PDZRN4: variants seen among roughly 807,000 people sequenced by gnomAD.
PDZRN4 encodes PDZ domain-containing RING finger protein 4.
Under a neutral mutation model 99.0 loss-of-function variants are expected in PDZRN4, and 70 were observed. The observed-to-expected ratio is 0.71, with a 90% CI of 0.58 to 0.86. The LOEUF (loss-of-function observed/expected upper bound fraction) is 0.86. Among genes scored for constraint, PDZRN4 ranks in the 40% least tolerant of loss-of-function variants. The probability of loss-of-function intolerance (pLI) is 0.00; values close to 1 mark genes in which losing one functional copy is unlikely to be tolerated. For synonymous variants in PDZRN4, 551 were observed against 501.6 expected (o/e 1.10, Z -1.32); for missense variants, 1,474 against 1,331.2 (o/e 1.11, Z -1.67).
At chr12:41,236,318 A>T (rs747330572) in intron 3 of PDZRN4, among the ~76,000 whole-genome samples, 5 of 152,128 alleles carry the variant, frequency 3.3e-5, no homozygotes, top group Non-Finnish European at 5.9e-5. Flanking sequence ...GATGTGTATG[A>T]CAGAGTGAGA....
chr12:41,569,373 GCTT>G (rs1939436073), intron 9 of PDZRN4, among the ~76,000 whole-genome samples: 2 of 152,092 alleles, frequency 1.3e-5, no homozygotes, highest in South Asian at 4.2e-4. Context: ...ACCAGCCTCA[GCTT>G]CTTAAAGTGC....
intron 3 of PDZRN4, among the ~76,000 whole-genome samples, chr12:41,397,332 T>A (rs1204410350): frequency 1.3e-5 from 2 of 152,182 alleles, no homozygotes; most frequent in African/African-American, 2.4e-5. Context: ...CTGTCTTATT[T>A]TCAATCCAAA....
chr12:41,300,036 C>T (rs7134405), intron 3 of PDZRN4, among the ~76,000 whole-genome samples: 112,201 of 151,676 alleles, frequency 0.74, 41,719 homozygotes, highest in East Asian at 0.86. Context: ...ATAAATCTTA[C>T]AATATTTATG....
At chr12:41,313,293 C>T (rs887729667) in intron 3 of PDZRN4, among the ~76,000 whole-genome samples, 2 of 152,102 alleles carry the variant, frequency 1.3e-5, no homozygotes, top group Admixed American at 6.5e-5. Context: ...TTTTCCTTTC[C>T]CACTCCACTT....
At position 41,395,557 on chromosome 12, in the gene PDZRN4, A is replaced by T. The variant is rs185831151; in HGVS notation, c.844-110899A>T. On this transcript the variant is annotated intron_variant, in intron 3 of 9. Coordinates refer to ENST00000402685, the MANE Select transcript of PDZRN4 (RefSeq NM_001164595.2). Reference sequence around the variant, plus strand: ...TTTGGAAGTCCAAAAGTCATATTTCATTTTGTGTTATCTTTGCTTTTTTCA... The same window carrying T: ...TTTGGAAGTCCAAAAGTCATATTTCTTTTTGTGTTATCTTTGCTTTTTTCA... Among the ~76,000 whole-genome samples the T allele has an allele frequency of 1.8e-3, 271 of 152,128 alleles. 2 individuals are homozygous for T. Among genetic ancestry groups the T allele is most frequent in the African/African-American group, 6.1e-3 (255 of 41,482 alleles).
intron 3 of PDZRN4, among the ~76,000 whole-genome samples, chr12:41,229,817 T>G (rs1288713581): frequency 4.6e-5 from 7 of 152,058 alleles, no homozygotes; most frequent in African/African-American, 1.7e-4. Context: ...GTCAATGACA[T>G]TCTCTACATT....
At chr12:41,433,426 A>G (rs982993739) in intron 3 of PDZRN4, among the ~76,000 whole-genome samples, 10 of 152,202 alleles carry the variant, frequency 6.6e-5, no homozygotes, top group South Asian at 2.1e-4. Context: ...TTATGATTAC[A>G]TAGAAGGTAT....
intron 7 of PDZRN4, among the ~76,000 whole-genome samples, chr12:41,558,023 C>CT (rs2120818523): frequency 6.6e-6 from 1 of 152,242 alleles, no homozygotes; most frequent in Admixed American, 6.5e-5. Context: ...TGTTGAAAGG[C>CT]TTTGCTTGTA....
At chr12:41,509,972 G>A in intron 5 of PDZRN4, 59 bp downstream of exon 5, 1 of 767,034 alleles carries the variant, frequency 1.3e-6, no homozygotes, top group Non-Finnish European at 2.2e-6. Context: ...GAGGGGTTTT[G>A]TATAACAAAG....
rs371119688 is a variant in PDZRN4 at position 41,472,070 on chromosome 12, C to T, written c.844-34386C>T. 1.0e-3 allele frequency among the ~76,000 whole-genome samples: 152 copies of T among 150,704 alleles called. 4 individuals are homozygous for T. In the South Asian group the frequency reaches 0.017, roughly 17 times the overall value. ...CAGGCTGGAGTGCAGTGGCACGTCT[C>T]GGCTCACTGCAACCTCCACACCTCC... On this transcript the variant is annotated intron_variant, in intron 3 of 9. Coordinates refer to ENST00000402685, the MANE Select transcript of PDZRN4 (RefSeq NM_001164595.2).
At chr12:41,422,306 T>G (rs1952496418) in intron 3 of PDZRN4, among the ~76,000 whole-genome samples, 1 of 152,190 alleles carries the variant, frequency 6.6e-6, no homozygotes. Context: ...GCAGAAATTG[T>G]GGAATATATC....
In PDZRN4 at chr12:41,193,936, A is replaced by G. The variant is rs1051205442; in HGVS notation, c.736-145A>G. On this transcript the variant is annotated intron_variant, in intron 2 of 9. Transcript: ENST00000402685. ...CTTGATTAATGACTAGTTGGTGTTA[A>G]GTAAGTTAAAATTCTGTTCCAAATC... 1.0e-5 allele frequency: 6 copies of G among 590,252 alleles called. No individual in the cohort carries two copies. In the African/African-American group the frequency reaches 1.1e-4, roughly 11 times the overall value. The allele number at this position is 590,252 out of a possible 1,614,324, so 36.6% of individuals were successfully genotyped here. A position where few individuals can be genotyped will look rare whatever the true frequency, so the allele number is the denominator to read the frequency against.
intron 3 of PDZRN4, among the ~76,000 whole-genome samples, chr12:41,363,994 C>T (rs879723350): frequency 6.6e-5 from 10 of 152,044 alleles, no homozygotes; most frequent in East Asian, 3.9e-4. Flanking sequence ...TTGTCTATTA[C>T]GGAAGTAGAT....
chr12:41,457,303 G>A (rs879827509), intron 3 of PDZRN4, among the ~76,000 whole-genome samples: 6 of 152,070 alleles, frequency 3.9e-5, no homozygotes, highest in Admixed American at 3.3e-4. Context: ...TCAGAAAAAC[G>A]GCTGTTCTCA....
At chr12:41,552,796 G>A (rs781782452) in intron 6 of PDZRN4, 42 bp downstream of exon 6, 2 of 1,459,246 alleles carry the variant, frequency 1.4e-6, no homozygotes, top group Non-Finnish European at 1.9e-6. Context: ...AGGGAGACTA[G>A]GAAGAACAGA....
intron 3 of PDZRN4, among the ~76,000 whole-genome samples, chr12:41,257,645 G>GA (rs1409507464): frequency 6.6e-6 from 1 of 152,190 alleles, no homozygotes; most frequent in African/African-American, 2.4e-5. Flanking sequence ...GGCTAGAGAG[G>GA]AAAGAGTAAA....
chr12:41,381,358 A>AT (rs1362679933), intron 3 of PDZRN4, among the ~76,000 whole-genome samples: 4 of 151,144 alleles, frequency 2.6e-5, no homozygotes, highest in African/African-American at 9.7e-5. Context: ...TCTTATTTCC[A>AT]TAATATATAG....
rs767061135 is a variant in PDZRN4 at position 41,552,624 on chromosome 12, A to G, written c.1204-32A>G. The G allele has an allele frequency of 3.9e-6, 6 of 1,538,648 alleles. No individual in the cohort carries two copies. The East Asian group carries it at 1.1e-4, about 29-fold the overall frequency. The stretch of plus-strand genomic sequence containing the variant: ...TTCTGTTGCAGATTTTCTCTCTGAC[A>G]TAAATGTCATCTGTGTGTGTTGTTC... On this transcript the variant is annotated intron_variant, in intron 5 of 9. Coordinates refer to ENST00000402685, the MANE Select transcript of PDZRN4 (RefSeq NM_001164595.2).
rs547792193 is a variant in PDZRN4, at chr12:41,407,338, A to C, written c.844-99118A>C. On this transcript the variant is annotated intron_variant, in intron 3 of 9. Coordinates refer to ENST00000402685, the MANE Select transcript of PDZRN4 (RefSeq NM_001164595.2). ...TAACATGAGCCTGTAGTAAGCAGAG[A>C]GCTATTTGATGCTGAATTCTGAGCA... Among the ~76,000 whole-genome samples the C allele has an allele frequency of 4.6e-5, 7 of 152,282 alleles. No individual in the cohort carries two copies. The South Asian group carries it at 1.5e-3, about 32-fold the overall frequency.
Sources: allele counts gnomAD v4.1 joint callset (sites outside exome capture counted in the v4.1 genomes callset), GRCh38; gene constraint gnomAD v4.1.1; transcripts MANE v1.5; gene names NCBI Gene and HGNC (gene_info 2026-07-23, HGNC 2026-07-21).